Variants in USP11 observed in about 807,000 individuals in gnomAD.
USP11 encodes the protein ubiquitin specific peptidase 11, also known as ubiquitin carboxyl-terminal hydrolase 11.
USP11 carries 5 observed loss-of-function variants against 72.8 expected under a neutral mutation model. That is an observed-to-expected ratio of 0.07 (90% confidence interval 0.04 to 0.14). The LOEUF (loss-of-function observed/expected upper bound fraction) is 0.14, where lower values mean the gene tolerates loss of function less well. Ranked by LOEUF, USP11 falls within the 10% of genes least tolerant of loss-of-function variation. The pLI, the probability that USP11 is intolerant of heterozygous loss-of-function variation, is 1.00. For synonymous variants in USP11, 368 were observed against 326.5 expected (o/e 1.13, Z -1.37); for missense variants, 480 against 794.7 (o/e 0.60, Z 4.76).
At position 47,244,848 on chromosome X, in the gene USP11, C is replaced by T. The variant is rs1030693421; in HGVS notation, c.2010C>T (p.Arg670=). Residue 670 remains arginine (R), a synonymous_variant, in exon 15 of 21, where the codon CGC becomes CGT. Transcript: ENST00000377107. ...CTCAGTGGCCCCCAAGGCGACGACG[C>T]AAGCAGCTGTTCACCCTGCAGACGG... ...GTSQWPPRRR[R]KQLFTLQTVN... The T allele has an allele frequency of 8.3e-7, 1 of 1,209,487 alleles. No individual in the cohort carries two copies. Among genetic ancestry groups the T allele is most frequent in the East Asian group, 3.0e-5 (1 of 33,729 alleles).
chrX:47,240,964 A>C (rs765878735), intron 7 of USP11, 88 bp downstream of exon 7: 5 of 938,234 alleles, frequency 5.3e-6, no homozygotes, highest in Non-Finnish European at 7.4e-6. Flanking sequence ...TCCTGAGGGG[A>C]CTACAGGGCA....
In USP11 at chrX:47,241,672, G is replaced by A. The variant is rs1192907206; in HGVS notation, c.1152G>A (p.Leu384=). Residue 384 remains leucine, a synonymous_variant, in exon 9 of 21, where the codon CTG becomes CTA. Transcript: ENST00000377107. ...TGAAGAAGAAGGAGTATGTGGAGCT[G>A]TGCGATGCTGCTGGGCGACCGGATC... ...NRVKKKEYVE[L]CDAAGRPDQE... 8.3e-7 allele frequency: 1 copy of A among 1,202,154 alleles called. No homozygotes were observed. The highest frequency in any genetic ancestry group is 1.1e-6 in the Non-Finnish European group (1 of 891,279).
intron 1 of USP11, chrX:47,233,512 T>C: frequency 1.1e-6 from 1 of 949,400 alleles, no homozygotes. Context: ...GTAGTGAAAC[T>C]GCGTAGGAAC....
In USP11 at chrX:47,239,339, C is replaced by T. The variant is rs1451550856; in HGVS notation, c.287-12C>T. 8.3e-7 allele frequency: 1 copy of T among 1,207,683 alleles called. No individual in the cohort carries two copies. The highest frequency in any genetic ancestry group is 1.8e-5 in the African/African-American group (1 of 57,138). On this transcript the variant is annotated splice_polypyrimidine_tract_variant and intron_variant, in intron 2 of 20. Transcript: ENST00000377107. ...TGATTCTTCCTCTGCCACCTCCACC[C>T]CCGCCCCACAGATGAGATAAACTGG...
chrX:47,241,485 C>T (rs192488972), intron 8 of USP11, 35 bp downstream of exon 8: 118 of 1,188,581 alleles, frequency 9.9e-5, no homozygotes, highest in Admixed American at 8.0e-4. Flanking sequence ...CGACCCCCTA[C>T]GTCTCTTGGC....
chrX:47,246,374 C>T (rs191823645), intron 17 of USP11, among the ~76,000 whole-genome samples: 244 of 111,538 alleles, frequency 2.2e-3, no homozygotes, highest in African/African-American at 7.3e-3. Flanking sequence ...GCAGCATGTC[C>T]GTGGAGCAGA....
In USP11 at chrX:47,248,134, C is replaced by G; in HGVS notation, c.*204C>G. 3.7e-6 allele frequency: 2 copies of G among 539,034 alleles called. No homozygotes were observed. The highest frequency in any genetic ancestry group is 5.6e-6 in the Non-Finnish European group (2 of 355,318). The allele number at this position is 539,034 out of a possible 1,213,427, so 44.4% of individuals were successfully genotyped here. ...TGTCTCCTCCTAGCAGTGCGCGCCC[C>G]GCCTGTGTTTGCCCTTCCAGCAGTG... is the stretch of plus-strand genomic sequence containing the variant. On this transcript the variant is annotated 3_prime_UTR_variant, in exon 21 of 21. Coordinates refer to ENST00000377107, the MANE Select transcript of USP11 (RefSeq NM_001371072.1).
At chrX:47,243,217 C>T (rs963797518) in intron 12 of USP11, among the ~76,000 whole-genome samples, 179 bp from the exon 13 acceptor site, 2 of 112,366 alleles carry the variant, frequency 1.8e-5, no homozygotes, top group Non-Finnish European at 3.8e-5. Flanking sequence ...GAGCCGAGAT[C>T]GTGCCACTGC....
Position 47,243,736 on chromosome X carries a change from G to A in USP11, c.1790+134G>A, listed in dbSNP as rs182450519. On this transcript the variant is annotated intron_variant, in intron 13 of 20. Coordinates refer to ENST00000377107, the MANE Select transcript of USP11 (RefSeq NM_001371072.1). The stretch of plus-strand genomic sequence containing the variant: ...ACTTAACATGGCCATAGAAGAACTT[G>A]TAGGGTTTTTTCTTTCTCTAGACCT... The A allele has an allele frequency of 1.8e-5, 12 of 659,450 alleles. 1 individual carries two copies. The Admixed American group carries it at 2.0e-4, about 11-fold the overall frequency. The allele number at this position is 659,450 out of a possible 1,213,427, so 54.3% of individuals were successfully genotyped here. A position where few individuals can be genotyped will look rare whatever the true frequency, so the allele number is the denominator to read the frequency against.
At chrX:47,243,663 T>G (rs902330265) in intron 13 of USP11, 61 bp downstream of exon 13, 1 of 1,069,711 alleles carries the variant, frequency 9.3e-7, no homozygotes, top group African/African-American at 1.8e-5. Flanking sequence ...CTTGGGTGTT[T>G]AGCTGCTTAT....
At chrX:47,233,282 G>A in intron 1 of USP11, 63 bp downstream of exon 1, 1 of 1,096,356 alleles carries the variant, frequency 9.1e-7, no homozygotes, top group Non-Finnish European at 1.2e-6. Flanking sequence ...CAACCGCTGG[G>A]GATTCGGCGG....
chrX:47,247,485 C>G, intron 19 of USP11, 66 bp downstream of exon 19: 1 of 1,170,097 alleles, frequency 8.5e-7, no homozygotes, highest in Non-Finnish European at 1.2e-6. Context: ...TCAGGACCTT[C>G]CCAGTGAGTG....
rs2055444277 is a variant in USP11 at position 47,247,863 on chromosome X, C to T, written c.2696C>T (p.Ser899Leu). ...VARRLLSPAG[S>L]SGAPASPACS... ...CGACGCCTGCTGTCCCCGGCCGGCT[C>T]ATCTGGCGCCCCAGCCTCCCCTGCC... The change falls in exon 21 of 21, where the codon TCA becomes TTA. Residue 899 changes from serine to leucine, a missense_variant. Physicochemically the swap from Ser to Leu is moderately radical, Grantham distance 145. Coordinates refer to ENST00000377107, the MANE Select transcript of USP11 (RefSeq NM_001371072.1). The T allele has an allele frequency of 2.5e-6, 3 of 1,206,942 alleles. No homozygotes were observed. The highest frequency in any genetic ancestry group is 2.3e-4 in the Middle Eastern group (1 of 4,319).
At chrX:47,236,992 A>G (rs186058484) in intron 1 of USP11, among the ~76,000 whole-genome samples, 1 of 111,780 alleles carries the variant, frequency 8.9e-6, no homozygotes, top group East Asian at 2.8e-4. Flanking sequence ...TATGGTAATA[A>G]TTTTCTGTGA....
intron 1 of USP11, among the ~76,000 whole-genome samples, chrX:47,237,406 T>A (rs1373080043): frequency 6.3e-5 from 7 of 111,135 alleles, no homozygotes; most frequent in African/African-American, 2.3e-4. Flanking sequence ...CCTATCTAGG[T>A]GACTTGTGAC....
In USP11 at chrX:47,247,232, A is replaced by G. The variant is rs748003580; in HGVS notation, c.2420+11A>G. 1.7e-6 allele frequency: 2 copies of G among 1,208,803 alleles called. No individual in the cohort carries two copies. Among genetic ancestry groups the G allele is most frequent in the Non-Finnish European group, 1.1e-6 (1 of 894,926 alleles). ...GGAGTTTCCTATCCGGTCAGGGGCC[A>G]GGGAGAGGATGGCTGGGGGAAGGCA... On this transcript the variant is annotated intron_variant, in intron 18 of 20. Transcript: ENST00000377107.
chrX:47,233,049 G>A lies in USP11; in HGVS notation c.6G>A (p.Ala2=). 1 of 1,210,583 alleles carries A rather than the reference G, an allele frequency of 8.3e-7. No homozygotes were observed. Among genetic ancestry groups the A allele is most frequent in the Non-Finnish European group, 1.1e-6 (1 of 894,799 alleles). Residue 2 remains alanine (A), a synonymous_variant, in exon 1 of 21, where the codon GCG becomes GCA. Transcript: ENST00000377107. ...GTAGAAGAGAACGGACGGCGATGGC[G>A]ACGGTCGCAGCAAATCCAGCTGCTG... M[A]TVAANPAAAA... is the part of the protein sequence containing the mutation.
Position 47,246,978 on chromosome X carries a change from G to A in USP11, c.2271-94G>A, listed in dbSNP as rs555446316. Reference sequence around the variant, plus strand: ...GGAGGCTGCAGTGATCCGAGATCGCGCCACTGTACTCCAGCCTGGGCAACA... The same window carrying A: ...GGAGGCTGCAGTGATCCGAGATCGCACCACTGTACTCCAGCCTGGGCAACA... On this transcript the variant is annotated intron_variant, in intron 17 of 20. Transcript: ENST00000377107. The A allele has an allele frequency of 1.1e-4, 119 of 1,053,107 alleles. 1 individual carries two copies. The African/African-American group carries it at 1.7e-3, about 15-fold the overall frequency. 86.8% of individuals were successfully genotyped at this position (1,053,107 alleles called of 1,213,427 possible). A position where few individuals can be genotyped will look rare whatever the true frequency, so the allele number is the denominator to read the frequency against.
chrX:47,242,019 C>A lies in USP11; in HGVS notation c.1180-63C>A, dbSNP rs1334232732. 22 of 1,138,006 alleles carry A rather than the reference C, an allele frequency of 1.9e-5. No individual in the cohort carries two copies. In the South Asian group the frequency reaches 3.9e-4, roughly 20 times the overall value. The allele number at this position is 1,138,006 out of a possible 1,213,427, so 93.8% of individuals were successfully genotyped here. On this transcript the variant is annotated intron_variant, in intron 9 of 20. Transcript: ENST00000377107. ...TCCGCTTCACCCCATTTGAATGCAC[C>A]CCAAGCCATGGTTTCCTCTTACCCT... is the stretch of plus-strand genomic sequence containing the variant.
Sources: allele counts gnomAD v4.1 joint callset (sites outside exome capture counted in the v4.1 genomes callset), GRCh38; gene constraint gnomAD v4.1.1; transcripts MANE v1.5; gene names NCBI Gene and HGNC (gene_info 2026-07-23, HGNC 2026-07-21).